FSTL5: variants seen among roughly 807,000 people sequenced by gnomAD.
FSTL5 encodes the protein follistatin-related protein 5.
FSTL5 carries 62 observed loss-of-function variants against 89.1 expected under a neutral mutation model. The ratio of observed to expected loss-of-function variants is 0.70; its 90% CI spans 0.57 to 0.86. The LOEUF is 0.86. Among genes scored for constraint, FSTL5 ranks in the 40% least tolerant of loss-of-function variants. The pLI is 0.00. For synonymous variants in FSTL5, 383 were observed against 346.2 expected (o/e 1.11, Z -1.18); for missense variants, 1,057 against 1,001.6 (o/e 1.06, Z -0.75).
At chr4:161,707,604 T>C (rs1255809004) in intron 6 of FSTL5, among the ~76,000 whole-genome samples, 3 of 151,890 alleles carry the variant, frequency 2.0e-5, no homozygotes, top group African/African-American at 7.2e-5. Context: ...ACATTTTTCT[T>C]CCAATTTTTT....
chr4:162,102,921 A>G (rs1579029577), intron 2 of FSTL5, among the ~76,000 whole-genome samples: 2 of 151,796 alleles, frequency 1.3e-5, no homozygotes, highest in East Asian at 3.9e-4. Flanking sequence ...TTAGCATTTC[A>G]AAAGTTCAAA....
intron 7 of FSTL5, among the ~76,000 whole-genome samples, chr4:161,636,778 C>T (rs1165196552): frequency 6.9e-6 from 1 of 144,704 alleles, no homozygotes. Context: ...CATGTCCCTA[C>T]AAAGGACATG....
intron 6 of FSTL5, among the ~76,000 whole-genome samples, chr4:161,704,240 T>C (rs909716798): frequency 2.0e-5 from 3 of 152,154 alleles, no homozygotes; most frequent in African/African-American, 7.2e-5. Flanking sequence ...GCTTCCAGTC[T>C]TCCTGCCTTT....
chr4:161,943,790 C>T (rs374344227), intron 3 of FSTL5, among the ~76,000 whole-genome samples: 19 of 151,972 alleles, frequency 1.3e-4, no homozygotes, highest in African/African-American at 2.4e-5. Flanking sequence ...CTCCTGACCT[C>T]GTGATCTGCC....
chr4:161,435,156 A>G (rs943290314), intron 15 of FSTL5, among the ~76,000 whole-genome samples: 2 of 152,204 alleles, frequency 1.3e-5, no homozygotes, highest in Non-Finnish European at 2.9e-5. Flanking sequence ...CACAATAACC[A>G]AGATTTGGAA....
chr4:161,836,691 G>T (rs1173117733), intron 4 of FSTL5, among the ~76,000 whole-genome samples: 1 of 151,894 alleles, frequency 6.6e-6, no homozygotes, highest in Non-Finnish European at 1.5e-5. Flanking sequence ...TGGAAACAAT[G>T]TTGAGGATAC....
chr4:161,486,535 A>C lies in FSTL5; in HGVS notation c.1459-5366T>G, dbSNP rs377140404. On this transcript the variant is annotated intron_variant, in intron 12 of 15. Transcript: ENST00000306100. ...TAGTTATGAAAAATAAACATATTTT[A>C]GTAGTTTTGCATTGTTTTACTTTTA... Among the ~76,000 whole-genome samples the C allele has an allele frequency of 1.2e-4, 19 of 152,344 alleles. No individual in the cohort carries two copies. The South Asian group carries it at 3.9e-3, about 32-fold the overall frequency.
At chr4:161,521,282 A>G (rs1040047051) in intron 10 of FSTL5, among the ~76,000 whole-genome samples, 7 of 152,116 alleles carry the variant, frequency 4.6e-5, no homozygotes, top group Non-Finnish European at 1.0e-4. Context: ...ATTGAAAGAG[A>G]GGAAAATATT....
intron 12 of FSTL5, among the ~76,000 whole-genome samples, chr4:161,498,629 C>T (rs1288622729): frequency 6.6e-6 from 1 of 152,096 alleles, no homozygotes; most frequent in African/African-American, 2.4e-5. Flanking sequence ...TGCAAAACTG[C>T]TAGTCCTGTA....
intron 15 of FSTL5, among the ~76,000 whole-genome samples, chr4:161,429,210 A>C (rs1466565087): frequency 6.6e-6 from 1 of 152,116 alleles, no homozygotes; most frequent in Non-Finnish European, 1.5e-5. Context: ...TAGGGCACCA[A>C]GCAGATTCCT....
intron 15 of FSTL5, among the ~76,000 whole-genome samples, chr4:161,427,145 TC>T (rs1732192914): frequency 6.6e-6 from 1 of 152,216 alleles, no homozygotes; most frequent in Non-Finnish European, 1.5e-5. Context: ...TTAATAAATT[TC>T]CTTAGAAAAG....
intron 3 of FSTL5, among the ~76,000 whole-genome samples, chr4:161,943,010 T>C (rs116524697): frequency 1.4e-3 from 219 of 152,264 alleles, no homozygotes; most frequent in African/African-American, 5.1e-3. Context: ...GAGAAGTCTA[T>C]TGTATTTCTA....
At chr4:162,087,433 G>A (rs1165245549) in intron 2 of FSTL5, among the ~76,000 whole-genome samples, 2 of 152,070 alleles carry the variant, frequency 1.3e-5, no homozygotes, top group African/African-American at 4.8e-5. Context: ...AAAGAGGAAA[G>A]AGGAGAAAAT....
chr4:161,604,764 A>G (rs1336713249), intron 7 of FSTL5, among the ~76,000 whole-genome samples: 2 of 152,096 alleles, frequency 1.3e-5, no homozygotes, highest in African/African-American at 4.8e-5. Flanking sequence ...ACTGCTTTTT[A>G]TCAAGCACTG....
intron 15 of FSTL5, among the ~76,000 whole-genome samples, chr4:161,441,177 T>C (rs963881632): frequency 3.5e-4 from 54 of 152,116 alleles, no homozygotes; most frequent in African/African-American, 1.3e-3. Flanking sequence ...TCATCAGTGC[T>C]CATGATTGAC....
At chr4:161,907,276 T>C (rs1733564857) in intron 4 of FSTL5, among the ~76,000 whole-genome samples, 2 of 152,136 alleles carry the variant, frequency 1.3e-5, no homozygotes, top group South Asian at 4.1e-4. Context: ...AAAAGTGCAA[T>C]TGATATGGGT....
chr4:161,712,838 C>A (rs1276128141), intron 6 of FSTL5, among the ~76,000 whole-genome samples: 1 of 151,954 alleles, frequency 6.6e-6, no homozygotes, highest in Non-Finnish European at 1.5e-5. Context: ...GACCCCTCAC[C>A]CCCCTCTCTC....
At chr4:161,897,081 G>A (rs1733182121) in intron 4 of FSTL5, among the ~76,000 whole-genome samples, 1 of 151,348 alleles carries the variant, frequency 6.6e-6, no homozygotes, top group Admixed American at 6.6e-5. Context: ...TGAGGTTATA[G>A]GTACCCGCCA....
chr4:161,916,795 TC>T (rs1190398053), intron 4 of FSTL5, among the ~76,000 whole-genome samples: 1 of 152,054 alleles, frequency 6.6e-6, no homozygotes, highest in East Asian at 1.9e-4. Context: ...CAGAGGTATT[TC>T]AATATGTAAC....
Sources: allele counts gnomAD v4.1 joint callset (sites outside exome capture counted in the v4.1 genomes callset), GRCh38; gene constraint gnomAD v4.1.1; transcripts MANE v1.5; gene names NCBI Gene and HGNC (gene_info 2026-07-23, HGNC 2026-07-21).